MAP7: variants seen among roughly 807,000 people sequenced by gnomAD.
MAP7 encodes the protein ensconsin.
Under a neutral mutation model 94.8 loss-of-function variants are expected in MAP7, and 52 were observed. The observed-to-expected ratio is 0.55, with a 90% confidence interval of 0.44 to 0.69. The LOEUF (loss-of-function observed/expected upper bound fraction) is 0.69, where lower values mean the gene tolerates loss of function less well. MAP7 is among the 30% of genes least tolerant of loss of function. The probability of loss-of-function intolerance (pLI) is 0.00; values close to 1 mark genes in which losing one functional copy is unlikely to be tolerated. For synonymous variants in MAP7, 350 were observed against 357.0 expected (o/e 0.98, Z 0.22); for missense variants, 940 against 964.6 (o/e 0.97, Z 0.34).
intron 10 of MAP7, among the ~76,000 whole-genome samples, chr6:136,363,084 G>A (rs994525012): frequency 1.3e-5 from 2 of 152,094 alleles, no homozygotes; most frequent in African/African-American, 4.8e-5. Context: ...CCTACTCTTC[G>A]GTAACCATTC....
intron 11 of MAP7, among the ~76,000 whole-genome samples, chr6:136,361,444 AT>A (rs1792738996): frequency 1.3e-5 from 2 of 152,340 alleles, no homozygotes; most frequent in Admixed American, 6.5e-5. Context: ...TTTGGAAGGA[AT>A]TTAACTATTT....
intron 15 of MAP7, among the ~76,000 whole-genome samples, chr6:136,357,663 TA>T (rs1175921905): frequency 1.3e-5 from 2 of 151,570 alleles, no homozygotes; most frequent in African/African-American, 2.4e-5. Flanking sequence ...CCCAGCTAAT[TA>T]AAAAAAAATT....
At chr6:136,516,210 G>C (rs1824772706) in intron 1 of MAP7, among the ~76,000 whole-genome samples, 1 of 151,958 alleles carries the variant, frequency 6.6e-6, no homozygotes, top group African/African-American at 2.4e-5. Context: ...GCCTAGGCTA[G>C]AGTATAGTGC....
chr6:136,460,921 G>T (rs1359864625), intron 1 of MAP7, among the ~76,000 whole-genome samples: 1 of 152,030 alleles, frequency 6.6e-6, no homozygotes, highest in Non-Finnish European at 1.5e-5. Context: ...TTGTCCTAAG[G>T]TATATGGACC....
In MAP7 at chr6:136,508,726, T is replaced by G. The variant is rs567403835; in HGVS notation, c.67+41616A>C. The stretch of plus-strand genomic sequence containing the variant: ...AAACCCAGGATGGTTTTCCTTTTTT[T>G]GTTTTAATGTTCACACTAAAATATC... On this transcript the variant is annotated intron_variant, in intron 1 of 17. Coordinates refer to ENST00000354570, the MANE Select transcript of MAP7 (RefSeq NM_003980.6). Among the ~76,000 whole-genome samples, 4 of 152,334 alleles carry G rather than the reference T, an allele frequency of 2.6e-5. No homozygotes were observed. In the East Asian group the frequency reaches 5.8e-4, roughly 22 times the overall value.
chr6:136,449,250 G>A (rs140644174), intron 1 of MAP7, among the ~76,000 whole-genome samples: 1 of 152,114 alleles, frequency 6.6e-6, no homozygotes, highest in Non-Finnish European at 1.5e-5. Context: ...AGCAGAGATC[G>A]CACCACTACA....
intron 12 of MAP7, 69 bp downstream of exon 12, chr6:136,360,936 C>T (rs1023786736): frequency 1.3e-6 from 2 of 1,546,744 alleles, no homozygotes; most frequent in Admixed American, 3.7e-5. Flanking sequence ...CAGTCCGCAC[C>T]CTCCTCTGCT....
intron 10 of MAP7, 49 bp downstream of exon 10, chr6:136,365,686 G>T: frequency 6.3e-7 from 1 of 1,581,708 alleles, no homozygotes. Context: ...TCAAAACAGT[G>T]CGGGAGAAAA....
intron 3 of MAP7, among the ~76,000 whole-genome samples, chr6:136,394,722 C>T (rs979180127): frequency 2.0e-5 from 3 of 151,042 alleles, no homozygotes; most frequent in Admixed American, 1.3e-4. Flanking sequence ...TAACCTCCCC[C>T]CCACCTTTCT....
intron 1 of MAP7, chr6:136,476,287 T>C (rs893187069): frequency 7.9e-5 from 12 of 152,220 alleles, no homozygotes; most frequent in African/African-American, 2.9e-4. Context: ...TCTCAAGAGC[T>C]GTGCTGTCCA....
In MAP7 at chr6:136,393,348, T is replaced by C. The variant is rs371761578; in HGVS notation, c.245-3831A>G. ...AGAAGGCATACTCATAATTGTAATA[T>C]GTCAGAATTACTGTTGGAACTGTGT... On this transcript the variant is annotated intron_variant, in intron 3 of 17. Coordinates refer to ENST00000354570, the MANE Select transcript of MAP7 (RefSeq NM_003980.6). 1.1e-3 allele frequency among the ~76,000 whole-genome samples: 170 copies of C among 152,292 alleles called. 1 individual carries two copies. Among genetic ancestry groups the C allele is most frequent in the African/African-American group, 3.9e-3 (164 of 41,552 alleles).
intron 3 of MAP7, among the ~76,000 whole-genome samples, chr6:136,391,637 T>C (rs1780779554): frequency 6.9e-6 from 1 of 145,454 alleles, no homozygotes; most frequent in Non-Finnish European, 1.5e-5. Context: ...TTAAATCATA[T>C]AATCTCTCAA....
chr6:136,484,991 G>C (rs2128974516), intron 1 of MAP7, among the ~76,000 whole-genome samples: 1 of 152,296 alleles, frequency 6.6e-6, no homozygotes, highest in East Asian at 1.9e-4. Flanking sequence ...ACTGTGCCCA[G>C]ACCCATGTTC....
intron 1 of MAP7, among the ~76,000 whole-genome samples, chr6:136,527,470 G>A (rs190427448): frequency 4.0e-4 from 61 of 152,232 alleles, no homozygotes; most frequent in African/African-American, 1.5e-3. Context: ...AGGGCCCAAG[G>A]GAGTCTAAGG....
At chr6:136,547,461 C>T (rs1326347581) in intron 1 of MAP7, among the ~76,000 whole-genome samples, 9 of 152,028 alleles carry the variant, frequency 5.9e-5, no homozygotes, top group Admixed American at 5.9e-4. Flanking sequence ...ATATACAAAG[C>T]TTGGGTAGAG....
At chr6:136,496,667 C>CAGTA (rs1243047290) in intron 1 of MAP7, among the ~76,000 whole-genome samples, 1 of 150,420 alleles carries the variant, frequency 6.6e-6, no homozygotes, top group African/African-American at 2.5e-5. Flanking sequence ...AGGCCAGGTG[C>CAGTA]AGTAGCTCAC....
intron 1 of MAP7, among the ~76,000 whole-genome samples, chr6:136,423,126 C>T (rs574298786): frequency 2.0e-4 from 31 of 152,314 alleles, no homozygotes; most frequent in African/African-American, 7.0e-4. Context: ...ATTCAAGGCC[C>T]TTTCTCCCAG....
intron 1 of MAP7, among the ~76,000 whole-genome samples, chr6:136,423,854 G>C (rs1409966061): frequency 6.7e-6 from 1 of 149,818 alleles, no homozygotes. Context: ...GGAGTGCAAT[G>C]GCATGATCTT....
intron 9 of MAP7, 27 bp downstream of exon 9, chr6:136,366,300 C>G: frequency 6.4e-7 from 1 of 1,561,120 alleles, no homozygotes; most frequent in Non-Finnish European, 8.8e-7. Flanking sequence ...ATGAAACAAC[C>G]CAGCCAGCCA....
Sources: gnomAD v4.1 joint callset for allele counts (sites outside exome capture counted in the v4.1 genomes callset) on GRCh38, gnomAD v4.1.1 for gene constraint, MANE v1.5 for transcripts, NCBI Gene and HGNC (gene_info 2026-07-23, HGNC 2026-07-21) for gene names.